The following SLCO6A1 variants were observed in gnomAD, a reference collection of about 807,000 sequenced individuals.
SLCO6A1 encodes the protein solute carrier organic anion transporter family member 6A1, also known as cancer/testis antigen 48.
Under a neutral mutation model 72.7 loss-of-function variants are expected in SLCO6A1, and 65 were observed. The observed-to-expected ratio is 0.89, with a 90% confidence interval of 0.73 to 1.10. The LOEUF is 1.10. Ranked by LOEUF, SLCO6A1 falls within the 50% of genes least tolerant of loss-of-function variation. The pLI is 0.00. For missense variants in SLCO6A1, 874 were observed against 872.6 expected (o/e 1.00, Z -0.02); for synonymous variants, 314 against 298.2 (o/e 1.05, Z -0.55).
In SLCO6A1 at chr5:102,498,861, C is replaced by T; in HGVS notation, c.-17G>A. ...TACGAACATGGCTCACCCTGGGCGG[C>T]TCCTGGCGACGCGGCCCGAGTGCTC... is the stretch of plus-strand genomic sequence containing the variant. On this transcript the variant is annotated 5_prime_UTR_variant, in exon 1 of 14. Transcript: ENST00000506729. 1.9e-6 allele frequency: 3 copies of T among 1,588,430 alleles called. No homozygotes were observed. Among genetic ancestry groups the T allele is most frequent in the Non-Finnish European group, 2.6e-6 (3 of 1,168,862 alleles).
chr5:102,479,282 C>T (rs1290651383), intron 2 of SLCO6A1, among the ~76,000 whole-genome samples: 1 of 152,142 alleles, frequency 6.6e-6, no homozygotes, highest in Non-Finnish European at 1.5e-5. Context: ...CCTTCAACTT[C>T]CACTATGATT....
At chr5:102,381,614 G>A (rs1746110227) in intron 12 of SLCO6A1, among the ~76,000 whole-genome samples, 1 of 151,624 alleles carries the variant, frequency 6.6e-6, no homozygotes, top group Non-Finnish European at 1.5e-5. Context: ...GCTGGATCAT[G>A]TGGTAGTTCT....
At chr5:102,395,278 A>T (rs1747005057) in intron 10 of SLCO6A1, among the ~76,000 whole-genome samples, 1 of 151,516 alleles carries the variant, frequency 6.6e-6, no homozygotes, top group Non-Finnish European at 1.5e-5. Context: ...CCTATGAGTG[A>T]GAACATGCGG....
intron 1 of SLCO6A1, among the ~76,000 whole-genome samples, chr5:102,495,035 C>T (rs1476783891): frequency 3.9e-5 from 6 of 152,104 alleles, no homozygotes; most frequent in Non-Finnish European, 7.4e-5. Context: ...GGATAAAATT[C>T]CATTCAATGA....
At chr5:102,373,612 C>A in intron 12 of SLCO6A1, 118 bp from the exon 13 acceptor site, 1 of 543,134 alleles carries the variant, frequency 1.8e-6, no homozygotes, top group Non-Finnish European at 2.9e-6. Context: ...TATAAATTTC[C>A]CAATTTTAGA....
chr5:102,376,109 C>T (rs1745772315), intron 12 of SLCO6A1, among the ~76,000 whole-genome samples: 1 of 152,122 alleles, frequency 6.6e-6, no homozygotes, highest in Admixed American at 6.5e-5. Context: ...GCTAACTTCT[C>T]GCCAGAAACA....
intron 6 of SLCO6A1, among the ~76,000 whole-genome samples, chr5:102,451,059 T>C (rs943746883): frequency 6.6e-6 from 1 of 151,982 alleles, no homozygotes; most frequent in African/African-American, 2.4e-5. Context: ...GGTGCCCAAG[T>C]GGAGAGGCCC....
chr5:102,387,622 G>A lies in SLCO6A1; in HGVS notation c.2017+1066C>T, dbSNP rs1009517208. Reference sequence around the variant, plus strand: ...TCAAGCTTGCTGAATACTTGACTTCGGAATTAGAAGGCATTGCTCTATACT... The same window carrying A: ...TCAAGCTTGCTGAATACTTGACTTCAGAATTAGAAGGCATTGCTCTATACT... On this transcript the variant is annotated intron_variant, in intron 12 of 13. Transcript: ENST00000506729. 8.6e-5 allele frequency among the ~76,000 whole-genome samples: 13 copies of A among 151,836 alleles called. No homozygotes were observed. In the East Asian group the frequency reaches 1.6e-3, roughly 18 times the overall value.
chr5:102,463,860 T>C (rs1751169442), intron 4 of SLCO6A1, among the ~76,000 whole-genome samples: 1 of 143,760 alleles, frequency 7.0e-6, no homozygotes, highest in Admixed American at 7.3e-5. Flanking sequence ...CACTCCAGCC[T>C]GGGCGACAAG....
chr5:102,431,591 A>G (rs1469809108), intron 7 of SLCO6A1, among the ~76,000 whole-genome samples: 1 of 152,160 alleles, frequency 6.6e-6, no homozygotes, highest in East Asian at 1.9e-4. Flanking sequence ...CTGGGGTCCA[A>G]GAGAGTGGTT....
chr5:102,479,012 T>C (rs61166936), intron 2 of SLCO6A1, among the ~76,000 whole-genome samples: 297 of 152,314 alleles, frequency 1.9e-3, no homozygotes, highest in African/African-American at 6.8e-3. Flanking sequence ...ACTTTTTTCC[T>C]GTTATGCACT....
chr5:102,412,988 AC>A lies in SLCO6A1; in HGVS notation c.1626+1del, dbSNP rs747913456. On this transcript the variant is annotated splice_donor_variant, in intron 9 of 13. Transcript: ENST00000506729. LOFTEE classifies it high-confidence loss of function. ...AACATAATAATTATAAAAAATAATT[AC>A]CTTTTTTTGGTTTTGTGCTTTAGAA... 54 of 1,287,814 alleles carry A rather than the reference AC, an allele frequency of 4.2e-5. No individual in the cohort carries two copies. The highest frequency in any genetic ancestry group is 1.6e-4 in the Admixed American group (5 of 31,332). 79.8% of individuals were successfully genotyped at this position (1,287,814 alleles called of 1,614,324 possible).
At chr5:102,376,927 G>C (rs1188983006) in intron 12 of SLCO6A1, among the ~76,000 whole-genome samples, 1 of 152,168 alleles carries the variant, frequency 6.6e-6, no homozygotes, top group African/African-American at 2.4e-5. Context: ...AACCTTGGGA[G>C]GCGAGGCAGG....
At chr5:102,485,490 T>C (rs1256026964) in intron 1 of SLCO6A1, among the ~76,000 whole-genome samples, 1 of 152,034 alleles carries the variant, frequency 6.6e-6, no homozygotes, top group Non-Finnish European at 1.5e-5. Context: ...TCATGGGGTG[T>C]GGGTGTGGAG....
At chr5:102,484,766 T>C (rs1430929736) in intron 1 of SLCO6A1, among the ~76,000 whole-genome samples, 3 of 152,174 alleles carry the variant, frequency 2.0e-5, no homozygotes, top group Middle Eastern at 3.2e-3. Flanking sequence ...ACATCAGAAA[T>C]TTTTTTAAAA....
At chr5:102,477,575 T>A (rs1234208104) in intron 3 of SLCO6A1, 101 bp downstream of exon 3, 4 of 883,780 alleles carry the variant, frequency 4.5e-6, no homozygotes, top group Non-Finnish European at 5.1e-6. Flanking sequence ...TACAATGTTA[T>A]CATAAGGGCC....
At chr5:102,407,947 T>G (rs1747760418) in intron 9 of SLCO6A1, among the ~76,000 whole-genome samples, 1 of 152,146 alleles carries the variant, frequency 6.6e-6, no homozygotes, top group South Asian at 2.1e-4. Context: ...CAGTCATGCA[T>G]GGCATGTCTG....
In SLCO6A1 at chr5:102,373,445, GA is replaced by G. The variant is rs759739946; in HGVS notation, c.2066del (p.Phe689SerfsTer7). On this transcript the variant is annotated frameshift_variant, in exon 13 of 14. Transcript: ENST00000506729. LOFTEE classifies it high-confidence loss of function. The part of the protein sequence containing the change: ...CTIIFTTIAF[F>X]IYKRRLNENT... The stretch of plus-strand genomic sequence containing the variant: ...TCTCATTTAGACGACGTTTGTATAT[GA>G]AAAATGCAATAGTAGTGAAGATGAT... The G allele has an allele frequency of 5.1e-6, 8 of 1,571,456 alleles. No individual in the cohort carries two copies. The highest frequency in any genetic ancestry group is 1.9e-5 in the Admixed American group (1 of 53,304).
intron 4 of SLCO6A1, among the ~76,000 whole-genome samples, chr5:102,472,802 A>G (rs1400639724): frequency 6.6e-6 from 1 of 152,062 alleles, no homozygotes; most frequent in East Asian, 1.9e-4. Flanking sequence ...AGACTTTACA[A>G]CTAAATGCCA....
Sources: allele counts gnomAD v4.1 joint callset (sites outside exome capture counted in the v4.1 genomes callset), GRCh38; gene constraint gnomAD v4.1.1; transcripts MANE v1.5; gene names NCBI Gene and HGNC (gene_info 2026-07-23, HGNC 2026-07-21).